Variants in TRERF1 observed in about 807,000 individuals in gnomAD.
TRERF1 encodes the protein transcriptional regulating factor 1.
In TRERF1, 27 loss-of-function variants were observed where a neutral mutation model predicts 122.9. The observed-to-expected ratio is 0.22, with a 90% CI of 0.16 to 0.30. TRERF1 has a LOEUF of 0.30. TRERF1 is among the 10% of genes least tolerant of loss of function. TRERF1 has a pLI of 1.00. For synonymous variants in TRERF1, 636 were observed against 641.7 expected (o/e 0.99, Z 0.13); for missense variants, 1,248 against 1,560.3 (o/e 0.80, Z 3.37).
intron 15 of TRERF1, among the ~76,000 whole-genome samples, chr6:42,239,384 C>T (rs1329830834): frequency 2.0e-5 from 3 of 152,138 alleles, no homozygotes; most frequent in Non-Finnish European, 1.5e-5. Flanking sequence ...GCACCTTCTC[C>T]TCTCACCTCA....
At chr6:42,314,047 G>GT (rs922310031) in intron 3 of TRERF1, among the ~76,000 whole-genome samples, 411 of 148,380 alleles carry the variant, frequency 2.8e-3, no homozygotes, top group South Asian at 4.1e-3. Flanking sequence ...GCCCTAAAGG[G>GT]TTTTTTTTTT....
At chr6:42,323,448 C>T (rs542025243) in intron 3 of TRERF1, among the ~76,000 whole-genome samples, 5 of 152,032 alleles carry the variant, frequency 3.3e-5, no homozygotes, top group African/African-American at 4.8e-5. Context: ...CCACCTGCCT[C>T]GGCCTCCCAA....
At chr6:42,338,270 A>G (rs1766588612) in intron 3 of TRERF1, among the ~76,000 whole-genome samples, 1 of 152,074 alleles carries the variant, frequency 6.6e-6, no homozygotes, top group South Asian at 2.1e-4. Context: ...CACAGGAGAG[A>G]GGGAAGGAAG....
At chr6:42,366,760 C>T (rs1287934004) in intron 2 of TRERF1, among the ~76,000 whole-genome samples, 1 of 152,172 alleles carries the variant, frequency 6.6e-6, no homozygotes, top group Non-Finnish European at 1.5e-5. Context: ...TGATCCACTT[C>T]GATCACCAGC....
intron 3 of TRERF1, among the ~76,000 whole-genome samples, chr6:42,360,481 T>C (rs1041943116): frequency 9.9e-5 from 15 of 152,208 alleles, no homozygotes; most frequent in African/African-American, 3.4e-4. Context: ...CCTGACACTA[T>C]ACCACATTAA....
intron 6 of TRERF1, 147 bp from the exon 7 acceptor site, chr6:42,265,001 G>T: frequency 1.2e-6 from 1 of 838,582 alleles, no homozygotes; most frequent in Non-Finnish European, 1.8e-6. Flanking sequence ...TCACCCCAGT[G>T]CCCTTTAGAG....
chr6:42,306,165 C>T (rs144034475), intron 3 of TRERF1, among the ~76,000 whole-genome samples: 131 of 151,948 alleles, frequency 8.6e-4, no homozygotes, highest in African/African-American at 3.1e-3. Context: ...CCATGCCCAG[C>T]TAATTTTTGT....
intron 3 of TRERF1, among the ~76,000 whole-genome samples, chr6:42,361,783 A>C (rs571578780): frequency 6.6e-6 from 1 of 152,340 alleles, no homozygotes; most frequent in African/African-American, 2.4e-5. Flanking sequence ...ATCCTCCTTC[A>C]GGCAGCTCTG....
At chr6:42,270,764 A>ATC (rs1561879465) in intron 4 of TRERF1, among the ~76,000 whole-genome samples, 28 of 143,514 alleles carry the variant, frequency 2.0e-4, no homozygotes, top group African/African-American at 6.3e-4. Flanking sequence ...GCAAGACCTC[A>ATC]TCTCTTTTTT....
In TRERF1 at chr6:42,228,763, T is replaced by G; in HGVS notation, c.3279-94A>C. On this transcript the variant is annotated intron_variant, in intron 17 of 17. Coordinates refer to ENST00000372922, the Ensembl canonical transcript of TRERF1. This position sits in a 1 kb window ranked among gnomAD's most constrained non-coding sequence, Gnocchi z 4.2. ...CTACGGGGAATGGGGGTGTGTGGTCTGACAAAGTCCCTGGCTGCTCGGCTT... is the reference window on the plus strand; with the variant it reads ...CTACGGGGAATGGGGGTGTGTGGTCGGACAAAGTCCCTGGCTGCTCGGCTT... The G allele has an allele frequency of 1.5e-6, 2 of 1,296,306 alleles. No homozygotes were observed. The highest frequency in any genetic ancestry group is 1.1e-6 in the Non-Finnish European group (1 of 945,632). The allele number at this position is 1,296,306 out of a possible 1,614,324, so 80.3% of individuals were successfully genotyped here.
At chr6:42,380,228 T>C (rs1387807835) in intron 2 of TRERF1, among the ~76,000 whole-genome samples, 1 of 36,786 alleles carries the variant, frequency 2.7e-5, no homozygotes, top group African/African-American at 1.1e-4. Flanking sequence ...GAGGGGTGGG[T>C]GGGGGTGGTG....
At chr6:42,405,241 C>T (rs1202846538) in intron 2 of TRERF1, among the ~76,000 whole-genome samples, 1 of 152,130 alleles carries the variant, frequency 6.6e-6, no homozygotes, top group Non-Finnish European at 1.5e-5. Context: ...AGTGAGGTCA[C>T]TTACAAGGAA....
At chr6:42,308,615 C>G (rs1016134075) in intron 3 of TRERF1, among the ~76,000 whole-genome samples, 1 of 152,188 alleles carries the variant, frequency 6.6e-6, no homozygotes, top group African/African-American at 2.4e-5. Flanking sequence ...TAAAGAAGAA[C>G]GAGATCGTGT....
At chr6:42,392,280 T>A (rs1262329768) in intron 2 of TRERF1, among the ~76,000 whole-genome samples, 1 of 152,196 alleles carries the variant, frequency 6.6e-6, no homozygotes, top group Non-Finnish European at 1.5e-5. Context: ...GCCTCAATCA[T>A]GACCAAGTCA....
intron 2 of TRERF1, among the ~76,000 whole-genome samples, chr6:42,408,227 A>ATATATATATATG (rs150915297): frequency 6.9e-5 from 8 of 116,704 alleles, no homozygotes; most frequent in Non-Finnish European, 1.2e-4. Context: ...ATATATATAT[A>ATATATATATATG]TGTGTGTGTG....
intron 12 of TRERF1, 120 bp downstream of exon 12, chr6:42,256,608 G>C: frequency 1.3e-6 from 1 of 782,558 alleles, no homozygotes; most frequent in Non-Finnish European, 2.2e-6. Flanking sequence ...GAGGCGTGCT[G>C]ATTGGTCATC....
At chr6:42,323,238 G>A (rs1431636048) in intron 3 of TRERF1, among the ~76,000 whole-genome samples, 26 of 146,646 alleles carry the variant, frequency 1.8e-4, no homozygotes, top group Non-Finnish European at 3.6e-4. Context: ...TCGCTCTGTC[G>A]CCCAGGCTGG....
intron 2 of TRERF1, among the ~76,000 whole-genome samples, chr6:42,437,476 CAAAAT>C (rs915328118): frequency 6.6e-6 from 1 of 152,122 alleles, no homozygotes; most frequent in African/African-American, 2.4e-5. Context: ...ATTTTACTCT[CAAAAT>C]AAACCTTTTC....
chr6:42,261,072 A>AAG (rs1777762190), intron 8 of TRERF1, among the ~76,000 whole-genome samples: 1 of 150,484 alleles, frequency 6.6e-6, no homozygotes, highest in South Asian at 2.1e-4. Context: ...GACCCTCCTT[A>AAG]GGCCAGCGCG....
Sources: gnomAD v4.1 joint callset for allele counts (sites outside exome capture counted in the v4.1 genomes callset) on GRCh38, gnomAD v4.1.1 for gene constraint, Gnocchi (gnomAD v3.1) non-coding constraint, MANE v1.5 for transcripts, NCBI Gene and HGNC (gene_info 2026-07-23, HGNC 2026-07-21) for gene names.